PCSK6: variants seen among roughly 807,000 people sequenced by gnomAD.
PCSK6 encodes proprotein convertase subtilisin/kexin type 6, also known as paired basic amino acid cleaving enzyme 4.
PCSK6 carries 85 observed loss-of-function variants against 123.3 expected under a neutral mutation model. That is an observed-to-expected ratio of 0.69 (90% CI 0.58 to 0.83). PCSK6 has a LOEUF of 0.83. Among genes scored for constraint, PCSK6 ranks in the 40% least tolerant of loss-of-function variants. The pLI is 0.00. For synonymous variants in PCSK6, 508 were observed against 516.0 expected (o/e 0.98, Z 0.21); for missense variants, 1,191 against 1,282.3 (o/e 0.93, Z 1.09).
intron 9 of PCSK6, among the ~76,000 whole-genome samples, chr15:101,385,846 G>A (rs1053342895): frequency 5.3e-5 from 8 of 152,170 alleles, no homozygotes; most frequent in Non-Finnish European, 8.8e-5. Context: ...AGATGTATGG[G>A]CTCATGGTTC....
chr15:101,318,589 T>TG (rs1001055358), intron 18 of PCSK6, among the ~76,000 whole-genome samples, 167 bp from the exon 19 acceptor site: 33 of 152,248 alleles, frequency 2.2e-4, no homozygotes, highest in African/African-American at 8.0e-4. Flanking sequence ...CGCAGTCCGC[T>TG]GGGGGCCCAG....
chr15:101,322,937 G>A (rs922007758), intron 17 of PCSK6, among the ~76,000 whole-genome samples: 5 of 152,234 alleles, frequency 3.3e-5, no homozygotes, highest in Admixed American at 1.3e-4. Context: ...GAAAGTGGCC[G>A]GGTGTGGGCA....
chr15:101,354,249 C>T (rs563166326), intron 13 of PCSK6, among the ~76,000 whole-genome samples: 1 of 152,264 alleles, frequency 6.6e-6, no homozygotes, highest in Non-Finnish European at 1.5e-5. Flanking sequence ...CCCACATATA[C>T]ACACATACAT....
Position 101,412,731 on chromosome 15 carries a change from C to A in PCSK6, c.824-14155G>T, listed in dbSNP as rs991332226. 1.6e-3 allele frequency among the ~76,000 whole-genome samples: 199 copies of A among 122,924 alleles called. 2 individuals are homozygous for A. Among genetic ancestry groups the A allele is most frequent in the African/African-American group, 5.9e-3 (188 of 31,634 alleles). 80.6% of individuals were successfully genotyped at this position (122,924 alleles called of 152,430 possible). ...TATATATAAAATTACCCAATCTGAA[C>A]AACATAAAGAAAAAAATTTAAAAAT... is the stretch of plus-strand genomic sequence containing the variant. On this transcript the variant is annotated intron_variant, in intron 6 of 21. Transcript: ENST00000611716.
At chr15:101,384,014 C>T in intron 10 of PCSK6, 1 of 706,016 alleles carries the variant, frequency 1.4e-6, no homozygotes, top group African/African-American at 1.9e-5. Flanking sequence ...CGACTATAGG[C>T]ACACGTCATT....
chr15:101,344,084 A>T (rs528427511), intron 13 of PCSK6, among the ~76,000 whole-genome samples: 2 of 151,902 alleles, frequency 1.3e-5, no homozygotes, highest in Admixed American at 1.3e-4. Flanking sequence ...TCAAAAAAAA[A>T]AATAAATAAA....
chr15:101,450,062 G>A (rs555835819), intron 1 of PCSK6, among the ~76,000 whole-genome samples: 53 of 152,176 alleles, frequency 3.5e-4, no homozygotes, highest in African/African-American at 1.2e-3. Context: ...CTCTCCTCCT[G>A]AGGCGTTCCT....
At chr15:101,418,676 C>G (rs1223535838) in intron 6 of PCSK6, among the ~76,000 whole-genome samples, 1 of 152,030 alleles carries the variant, frequency 6.6e-6, no homozygotes, top group African/African-American at 2.4e-5. Flanking sequence ...CCATGCCCAG[C>G]TAATTTTTGT....
rs528396744 is a variant in PCSK6, at chr15:101,374,865, G to C, written c.1533-4342C>G. ...CAGGATGCACGCTCTCAACAAGACT[G>C]TCGTTAGGCTCTGAGGTAAGCTGCT... On this transcript the variant is annotated intron_variant, in intron 11 of 21. Transcript: ENST00000611716. Among the ~76,000 whole-genome samples, 22 of 152,248 alleles carry C rather than the reference G, an allele frequency of 1.4e-4. 1 individual carries two copies. Among genetic ancestry groups the C allele is most frequent in the South Asian group, 8.3e-4 (4 of 4,824 alleles).
chr15:101,343,583 G>GT (rs1218834397), intron 13 of PCSK6, among the ~76,000 whole-genome samples: 1 of 151,770 alleles, frequency 6.6e-6, no homozygotes, highest in South Asian at 2.1e-4. Context: ...TATAAATTAT[G>GT]TTTTTTTCTT....
chr15:101,408,008 T>C (rs988146881), intron 6 of PCSK6, among the ~76,000 whole-genome samples: 1 of 152,128 alleles, frequency 6.6e-6, no homozygotes, highest in African/African-American at 2.4e-5. Flanking sequence ...CCTTTCACGG[T>C]CTCCCCGCTA....
intron 11 of PCSK6, among the ~76,000 whole-genome samples, chr15:101,380,467 C>T (rs1192198994): frequency 6.6e-6 from 1 of 152,168 alleles, no homozygotes; most frequent in African/African-American, 2.4e-5. Flanking sequence ...GAAGGCAAAA[C>T]CTCCTTTATC....
Position 101,348,174 on chromosome 15 carries a change from G to GACCC in PCSK6, c.1859-16144_1859-16143insGGGT, listed in dbSNP as rs149793775. Among the ~76,000 whole-genome samples the GACCC allele has an allele frequency of 5.9e-5, 9 of 151,998 alleles. No individual in the cohort carries two copies. The East Asian group carries it at 9.8e-4, about 17-fold the overall frequency. On this transcript the variant is annotated intron_variant, in intron 13 of 21. Coordinates refer to ENST00000611716, the MANE Select transcript of PCSK6 (RefSeq NM_002570.5). Reference sequence around the variant, plus strand: ...CCCCGGGGTCCCGCTGGGTCGGACCGGCCCCTGCGCCTCCGCTGCTCCTCC... The same window carrying GACCC: ...CCCCGGGGTCCCGCTGGGTCGGACCGACCCGCCCCTGCGCCTCCGCTGCTCCTCC...
intron 11 of PCSK6, 75 bp downstream of exon 11, chr15:101,382,017 C>T: frequency 2.0e-6 from 2 of 979,238 alleles, no homozygotes; most frequent in Non-Finnish European, 1.6e-6. Context: ...ACACCTCCCC[C>T]AGCCACACCT....
chr15:101,391,757 G>C (rs1487759831), intron 8 of PCSK6, among the ~76,000 whole-genome samples: 1 of 151,658 alleles, frequency 6.6e-6, no homozygotes, highest in African/African-American at 2.4e-5. Flanking sequence ...GGACGTCTAA[G>C]AGGACTCAGA....
rs764226144 is a variant in PCSK6, at chr15:101,305,319, C to T, written c.2849G>A (p.Arg950Gln). 37 of 1,612,720 alleles carry T rather than the reference C, an allele frequency of 2.3e-5. No homozygotes were observed. The highest frequency in any genetic ancestry group is 3.3e-4 in the Middle Eastern group (2 of 6,084). ...ETFCEMVKSN[R>Q]LCERKLFIQF... ...AATGAAGAGCTTCCGTTCGCACAGCCGGTTGGACTTCACCATCTCGCAGAA... is the reference window on the plus strand; with the variant it reads ...AATGAAGAGCTTCCGTTCGCACAGCTGGTTGGACTTCACCATCTCGCAGAA... Residue 950 changes from arginine (R) to glutamine (Q), a missense_variant, in exon 22 of 22, where the codon CGG (arginine) becomes CAG (glutamine). Physicochemically the swap from Arg to Gln is conservative, Grantham distance 43 (BLOSUM62 1). Transcript: ENST00000611716. The surrounding 1 kb of genome is among the most constrained non-coding windows in gnomAD (Gnocchi z 4.8).
At chr15:101,313,074 G>T in intron 20 of PCSK6, 1 of 1,312,558 alleles carries the variant, frequency 7.6e-7, no homozygotes. Context: ...TGCATGCTGA[G>T]CGCGACATGG....
chr15:101,345,471 T>C (rs2040708274), intron 13 of PCSK6, among the ~76,000 whole-genome samples: 1 of 151,990 alleles, frequency 6.6e-6, no homozygotes, highest in East Asian at 1.9e-4. Flanking sequence ...AGGAAATAAT[T>C]ATCAAAACTC....
chr15:101,444,034 C>G (rs1047142597), intron 1 of PCSK6, among the ~76,000 whole-genome samples: 1 of 152,212 alleles, frequency 6.6e-6, no homozygotes, highest in Non-Finnish European at 1.5e-5. Context: ...GTCAGGTCTA[C>G]ACCAAAACAT....
Sources: allele counts gnomAD v4.1 joint callset (sites outside exome capture counted in the v4.1 genomes callset), GRCh38; gene constraint gnomAD v4.1.1; non-coding constraint Gnocchi (gnomAD v3.1); transcripts MANE v1.5; gene names NCBI Gene and HGNC (gene_info 2026-07-23, HGNC 2026-07-21).